Variants in DNAH17 observed in about 807,000 individuals in gnomAD.
The protein encoded by DNAH17 is dynein axonemal heavy chain 17.
A neutral mutation model predicts 485.6 loss-of-function variants in DNAH17; 376 were observed. The observed-to-expected ratio is 0.77, with a 90% CI of 0.71 to 0.84. The LOEUF (loss-of-function observed/expected upper bound fraction) is 0.84. DNAH17 is among the 40% of genes least tolerant of loss of function. The pLI is 0.00. For missense variants in DNAH17, 6,370 were observed against 5,839.3 expected (o/e 1.09, Z -2.96); for synonymous variants, 3,031 against 2,405.9 (o/e 1.26, Z -7.60).
intron 16 of DNAH17, among the ~76,000 whole-genome samples, chr17:78,544,704 G>A (rs1438609870): frequency 6.6e-6 from 1 of 150,948 alleles, no homozygotes; most frequent in Non-Finnish European, 1.5e-5. Context: ...AGGAGGCTGA[G>A]GCAGGAGAAT....
rs1338524016 is a variant in DNAH17, at chr17:78,450,780, C to T, written c.10801G>A (p.Ala3601Thr). ...TTCCCCGACGCAGCCGACAGACGGG[C>T]CAGGAGCGAATCTTCCAGCTCTTTC... ...VLKELEDSLL[A>T]RLSAASGNFL... is the part of the protein sequence containing the mutation. Residue 3601 changes from alanine to threonine, a missense_variant, in exon 67 of 81, where the codon GCC (alanine) becomes ACC (threonine). Physicochemically the swap from Ala to Thr is moderately conservative, Grantham distance 58 (BLOSUM62 0). Coordinates refer to ENST00000389840, the MANE Select transcript of DNAH17 (RefSeq NM_173628.4). 1.2e-6 allele frequency: 2 copies of T among 1,614,074 alleles called. No individual in the cohort carries two copies. Among genetic ancestry groups the T allele is most frequent in the Non-Finnish European group, 1.7e-6 (2 of 1,179,898 alleles).
chr17:78,508,735 G>C (rs1448688388), intron 27 of DNAH17, among the ~76,000 whole-genome samples: 2 of 152,076 alleles, frequency 1.3e-5, no homozygotes, highest in South Asian at 2.1e-4. Context: ...ATGGCTAAAG[G>C]ATATGGGTTT....
At chr17:78,443,168 G>A (rs1208047373) in intron 71 of DNAH17, among the ~76,000 whole-genome samples, 7 of 152,156 alleles carry the variant, frequency 4.6e-5, no homozygotes, top group African/African-American at 1.7e-4. Context: ...TAACTTAGGC[G>A]ATTCTCAGAA....
intron 16 of DNAH17, among the ~76,000 whole-genome samples, chr17:78,551,224 C>CGG (rs1568241150): frequency 6.6e-6 from 1 of 152,190 alleles, no homozygotes; most frequent in Non-Finnish European, 1.5e-5. Flanking sequence ...TACTGAGCAA[C>CGG]GGGCTCGTTC....
chr17:78,510,751 G>GCA (rs5822246), intron 26 of DNAH17: 2 of 376,250 alleles, frequency 5.3e-6, no homozygotes, highest in Non-Finnish European at 4.9e-6. Context: ...CGGAATTGCG[G>GCA]CCCCCCCGCA....
chr17:78,568,389 A>T (rs1303878305), intron 9 of DNAH17, among the ~76,000 whole-genome samples: 1 of 152,092 alleles, frequency 6.6e-6, no homozygotes, highest in Non-Finnish European at 1.5e-5. Context: ...AGCCTCTGAC[A>T]ATGGTGTCCA....
intron 10 of DNAH17, 29 bp from the exon 11 acceptor site, chr17:78,566,759 T>TA (rs773589671): frequency 2.3e-5 from 35 of 1,543,960 alleles, no homozygotes; most frequent in Non-Finnish European, 3.1e-5. Flanking sequence ...GTCAACCTTG[T>TA]AATCAGCGTG....
intron 42 of DNAH17, 118 bp downstream of exon 42, chr17:78,492,515 C>T (rs1365001495): frequency 1.4e-6 from 2 of 1,428,308 alleles, no homozygotes; most frequent in African/African-American, 2.8e-5. Flanking sequence ...GGCCACGTGC[C>T]TGTGTGCCCC....
In DNAH17 at chr17:78,466,806, C is replaced by T. The variant is rs1200812515; in HGVS notation, c.8789G>A (p.Cys2930Tyr). The T allele has an allele frequency of 6.3e-7, 1 of 1,589,948 alleles. No homozygotes were observed. Among genetic ancestry groups the T allele is most frequent in the Non-Finnish European group, 8.6e-7 (1 of 1,168,932 alleles). Residue 2930 changes from cysteine (C) to tyrosine (Y), a missense_variant, in exon 56 of 81, where the codon TGT becomes TAT. Coordinates refer to ENST00000389840, the MANE Select transcript of DNAH17 (RefSeq NM_173628.4). The stretch of plus-strand genomic sequence containing the variant: ...CAGCACGGAGCCCACAGGGGAGAAA[C>T]ACAGGATCACCTGGGTGTGGGAGAC... ...KVRRQLKVIL[C>Y]FSPVGSVLRV...
Position 78,497,548 on chromosome 17 carries a change from G to A in DNAH17, c.5745+1460C>T, listed in dbSNP as rs545975525. On this transcript the variant is annotated intron_variant, in intron 37 of 80. Coordinates refer to ENST00000389840, the MANE Select transcript of DNAH17 (RefSeq NM_173628.4). ...AATATTCTGGGGTTTGTTCATGGACGTCGGAGGTGCTCAGCAGCTCTGCTC... is the reference window on the plus strand; with the variant it reads ...AATATTCTGGGGTTTGTTCATGGACATCGGAGGTGCTCAGCAGCTCTGCTC... Among the ~76,000 whole-genome samples the A allele has an allele frequency of 1.1e-4, 17 of 152,360 alleles. No individual in the cohort carries two copies. In the East Asian group the frequency reaches 2.9e-3, roughly 26 times the overall value.
At chr17:78,503,125 G>A (rs904818046) in intron 31 of DNAH17, 114 bp from the exon 32 acceptor site, 13 of 1,287,684 alleles carry the variant, frequency 1.0e-5, no homozygotes, top group Admixed American at 3.1e-5. Context: ...TCATCCCAGG[G>A]GCAGACAGGT....
At chr17:78,427,175 G>T in intron 77 of DNAH17, 67 bp from the exon 78 acceptor site, 1 of 1,499,084 alleles carries the variant, frequency 6.7e-7, no homozygotes, top group Non-Finnish European at 9.0e-7. Context: ...GCAGGGTCAG[G>T]GAGCCTGCCC....
At chr17:78,498,764 C>T (rs1191753354) in intron 37 of DNAH17, 29 of 351,442 alleles carry the variant, frequency 8.3e-5, no homozygotes, top group Non-Finnish European at 1.2e-4. Context: ...ATTATTCTCC[C>T]ACCTGTATTT....
At chr17:78,435,575 G>A (rs1316489704) in intron 74 of DNAH17, among the ~76,000 whole-genome samples, 1 of 152,218 alleles carries the variant, frequency 6.6e-6, no homozygotes, top group Non-Finnish European at 1.5e-5. Flanking sequence ...CCCTGCCTCA[G>A]TGCCCCGATC....
intron 22 of DNAH17, among the ~76,000 whole-genome samples, chr17:78,527,279 C>T (rs1401570894): frequency 6.6e-6 from 1 of 150,982 alleles, no homozygotes; most frequent in Non-Finnish European, 1.5e-5. Context: ...CCCAGCTACT[C>T]AGGAGGCTGA....
rs754751692 is a variant in DNAH17, at chr17:78,527,015, G to A, written c.3508-19C>T. 77 of 1,529,790 alleles carry A rather than the reference G, an allele frequency of 5.0e-5. No homozygotes were observed. Among genetic ancestry groups the A allele is most frequent in the Non-Finnish European group, 6.0e-5 (68 of 1,130,084 alleles). 94.8% of individuals were successfully genotyped at this position (1,529,790 alleles called of 1,614,324 possible). On this transcript the variant is annotated intron_variant, in intron 22 of 80. Coordinates refer to ENST00000389840, the MANE Select transcript of DNAH17 (RefSeq NM_173628.4). ...GCAGCTCCTGCGGGAAGCAAAGGCAGAGGAGGGCTCCTTTCTCATTTCTTT... is the reference window on the plus strand; with the variant it reads ...GCAGCTCCTGCGGGAAGCAAAGGCAAAGGAGGGCTCCTTTCTCATTTCTTT...
intron 49 of DNAH17, among the ~76,000 whole-genome samples, chr17:78,480,119 A>C (rs112190562): frequency 0.031 from 4,115 of 131,530 alleles, 226 homozygotes; most frequent in African/African-American, 0.11. Context: ...GAGGCCGAGG[A>C]GGGCAGATCA....
In DNAH17 at chr17:78,474,886, A is replaced by G. The variant is rs1307593424; in HGVS notation, c.8511+392T>C. On this transcript the variant is annotated intron_variant, in intron 54 of 80. Transcript: ENST00000389840. ...CGGAAGATTTCACACCCTTCACCTC[A>G]GTCACATGGGCCGGGAGGTTTCACA... is the stretch of plus-strand genomic sequence containing the variant. Among the ~76,000 whole-genome samples the G allele has an allele frequency of 1.6e-4, 24 of 147,810 alleles. No individual in the cohort carries two copies. In the East Asian group the frequency reaches 4.6e-3, roughly 28 times the overall value.
At chr17:78,569,042 G>T in intron 9 of DNAH17, 124 bp downstream of exon 9, 1 of 741,434 alleles carries the variant, frequency 1.3e-6, no homozygotes, top group Non-Finnish European at 2.2e-6. Flanking sequence ...ACAGATATTT[G>T]GGCCTCACTT....
Sources: gnomAD v4.1 joint callset for allele counts (sites outside exome capture counted in the v4.1 genomes callset) on GRCh38, gnomAD v4.1.1 for gene constraint, MANE v1.5 for transcripts, NCBI Gene and HGNC (gene_info 2026-07-23, HGNC 2026-07-21) for gene names.